The following PPP1R9A variants were observed in gnomAD, a reference collection of about 807,000 sequenced individuals.
PPP1R9A encodes the protein protein phosphatase 1 regulatory subunit 9A, also known as neurabin-1.
Under a neutral mutation model 141.9 loss-of-function variants are expected in PPP1R9A, and 59 were observed. That is an observed-to-expected ratio of 0.42 (90% CI 0.34 to 0.52). The LOEUF (loss-of-function observed/expected upper bound fraction) is 0.52, where lower values mean the gene tolerates loss of function less well. Ranked by LOEUF, PPP1R9A falls within the 20% of genes least tolerant of loss-of-function variation. The pLI, the probability that PPP1R9A is intolerant of heterozygous loss-of-function variation, is 0.10. For synonymous variants in PPP1R9A, 500 were observed against 569.7 expected, an observed-to-expected ratio of 0.88 and a Z score of 1.74; for missense variants, 1,444 against 1,611.9, an observed-to-expected ratio of 0.90 and a Z score of 1.78.
At chr7:94,929,744 T>TA (rs1793931562) in intron 2 of PPP1R9A, among the ~76,000 whole-genome samples, 1 of 151,914 alleles carries the variant, frequency 6.6e-6, no homozygotes, top group Non-Finnish European at 1.5e-5. Flanking sequence ...TGGAGATAGA[T>TA]AGAAAGGCTA....
chr7:94,998,379 A>G, intron 2 of PPP1R9A, among the ~76,000 whole-genome samples: 1 of 152,172 alleles, frequency 6.6e-6, no homozygotes. Context: ...TAACTTCTAG[A>G]AGGGTCAAAT....
chr7:95,275,627 G>A (rs985914072), intron 16 of PPP1R9A, among the ~76,000 whole-genome samples: 4 of 151,956 alleles, frequency 2.6e-5, no homozygotes, highest in African/African-American at 7.3e-5. Flanking sequence ...TATAAAATTT[G>A]GAAATAATCT....
chr7:95,108,299 TTTC>T (rs1282359365), intron 2 of PPP1R9A, among the ~76,000 whole-genome samples: 1 of 132,684 alleles, frequency 7.5e-6, no homozygotes, highest in African/African-American at 2.8e-5. Flanking sequence ...TTCTTTTTCG[TTTC>T]TTTTCTTTTT....
chr7:95,124,824 TC>T (rs963201595), intron 4 of PPP1R9A, among the ~76,000 whole-genome samples: 4 of 152,062 alleles, frequency 2.6e-5, no homozygotes, highest in African/African-American at 4.8e-5. Context: ...GTTTTTTTTC[TC>T]CCCCTCCTCC....
chr7:95,054,410 C>A (rs1811233465), intron 2 of PPP1R9A, among the ~76,000 whole-genome samples: 1 of 152,092 alleles, frequency 6.6e-6, no homozygotes, highest in Non-Finnish European at 1.5e-5. Context: ...TAGGTGTGAG[C>A]CACCATGCCT....
chr7:95,163,910 G>T (rs1830802801), intron 5 of PPP1R9A, among the ~76,000 whole-genome samples: 1 of 152,054 alleles, frequency 6.6e-6, no homozygotes, highest in African/African-American at 2.4e-5. Context: ...AGCTAATTTT[G>T]TATTTTTAGT....
At chr7:95,210,015 T>C (rs1341568033) in intron 7 of PPP1R9A, among the ~76,000 whole-genome samples, 3 of 152,184 alleles carry the variant, frequency 2.0e-5, no homozygotes, top group Admixed American at 1.3e-4. Context: ...ATTTGCAGTG[T>C]GACATTTGAA....
intron 4 of PPP1R9A, among the ~76,000 whole-genome samples, chr7:95,152,883 C>T (rs1828959097): frequency 7.1e-6 from 1 of 140,656 alleles, no homozygotes; most frequent in African/African-American, 2.7e-5. Context: ...CAGTCTCACT[C>T]TGTCCTCCAG....
intron 7 of PPP1R9A, among the ~76,000 whole-genome samples, chr7:95,207,336 A>G (rs964223935): frequency 2.0e-5 from 3 of 152,224 alleles, no homozygotes; most frequent in African/African-American, 7.2e-5. Flanking sequence ...TCCAGAAGAC[A>G]GAAAAACAAA....
Position 95,198,333 on chromosome 7 carries a change from G to A in PPP1R9A, c.1755-16G>A. On this transcript the variant is annotated splice_polypyrimidine_tract_variant and intron_variant, in intron 5 of 19. Coordinates refer to ENST00000433360, the MANE Select transcript of PPP1R9A (RefSeq NM_001166160.2). ...TGGAGAGTCTTAAATATTAGTCTTT[G>A]TTAACCTTTCCACAGATTTGTTATT... 2 of 1,591,276 alleles carry A rather than the reference G, an allele frequency of 1.3e-6. No individual in the cohort carries two copies.
intron 4 of PPP1R9A, among the ~76,000 whole-genome samples, chr7:95,140,350 A>C (rs980227395): frequency 2.6e-5 from 4 of 152,160 alleles, no homozygotes; most frequent in African/African-American, 9.7e-5. Context: ...ATCCACTATA[A>C]TATTTAATCC....
chr7:95,218,707 C>T (rs1475198540), intron 7 of PPP1R9A, among the ~76,000 whole-genome samples: 1 of 152,128 alleles, frequency 6.6e-6, no homozygotes, highest in Non-Finnish European at 1.5e-5. Context: ...GAATTGATCC[C>T]TTTACCATTA....
At chr7:94,981,383 G>A (rs1158111756) in intron 2 of PPP1R9A, among the ~76,000 whole-genome samples, 2 of 152,124 alleles carry the variant, frequency 1.3e-5, no homozygotes, top group Non-Finnish European at 2.9e-5. Context: ...GAGACTACAG[G>A]AGTGCGCTAC....
chr7:95,231,110 C>A (rs1457503145), intron 8 of PPP1R9A, among the ~76,000 whole-genome samples: 1 of 151,980 alleles, frequency 6.6e-6, no homozygotes. Context: ...AGTAGCTATT[C>A]TTAGACAAAA....
intron 18 of PPP1R9A, among the ~76,000 whole-genome samples, chr7:95,287,816 A>G (rs954869148): frequency 2.6e-5 from 4 of 152,004 alleles, no homozygotes; most frequent in Non-Finnish European, 4.4e-5. Context: ...CTCTCGAATA[A>G]CTGGGATTAC....
chr7:95,051,554 A>G (rs913377794), intron 2 of PPP1R9A, among the ~76,000 whole-genome samples: 1 of 152,210 alleles, frequency 6.6e-6, no homozygotes, highest in Admixed American at 6.5e-5. Context: ...TGTTGAATCC[A>G]TATATTTAAT....
At chr7:95,162,404 T>G (rs1261378296) in intron 5 of PPP1R9A, among the ~76,000 whole-genome samples, 2 of 152,224 alleles carry the variant, frequency 1.3e-5, no homozygotes, top group Non-Finnish European at 1.5e-5. Context: ...TACATTCTTT[T>G]AAGGAATCAG....
intron 12 of PPP1R9A, among the ~76,000 whole-genome samples, chr7:95,265,884 G>A (rs1034550223): frequency 2.6e-5 from 4 of 152,104 alleles, no homozygotes; most frequent in Admixed American, 6.6e-5. Context: ...CCAGCTAACA[G>A]CATCATAAAT....
intron 7 of PPP1R9A, among the ~76,000 whole-genome samples, chr7:95,222,472 G>A (rs758452060): frequency 6.6e-6 from 1 of 151,964 alleles, no homozygotes; most frequent in Non-Finnish European, 1.5e-5. Flanking sequence ...ACAGTAAGTT[G>A]CAAAAGTATT....
Sources: gnomAD v4.1 joint callset for allele counts (sites outside exome capture counted in the v4.1 genomes callset) on GRCh38, gnomAD v4.1.1 for gene constraint, MANE v1.5 for transcripts, NCBI Gene and HGNC (gene_info 2026-07-23, HGNC 2026-07-21) for gene names.